ME3: variants seen among roughly 807,000 people sequenced by gnomAD.
ME3 encodes the protein NADP-dependent malic enzyme, mitochondrial.
A neutral mutation model predicts 68.9 loss-of-function variants in ME3; 48 were observed. That is an observed-to-expected ratio of 0.70 (90% confidence interval 0.55 to 0.89). The LOEUF (loss-of-function observed/expected upper bound fraction) is 0.89, where lower values mean the gene tolerates loss of function less well. ME3 is among the 40% of genes least tolerant of loss of function. ME3 has a pLI of 0.00. For synonymous variants in ME3, 320 were observed against 318.8 expected, an observed-to-expected ratio of 1.00 and a Z score of -0.04; for missense variants, 675 against 797.4, an observed-to-expected ratio of 0.85 and a Z score of 1.85.
chr11:86,475,483 A>G (rs1311162535), intron 7 of ME3, among the ~76,000 whole-genome samples: 1 of 152,150 alleles, frequency 6.6e-6, no homozygotes, highest in Non-Finnish European at 1.5e-5. Flanking sequence ...GTATTTCTTT[A>G]TAACAATGTG....
At chr11:86,666,595 C>T (rs1344288378) in intron 2 of ME3, among the ~76,000 whole-genome samples, 1 of 152,212 alleles carries the variant, frequency 6.6e-6, no homozygotes, top group African/African-American at 2.4e-5. Context: ...AGTTTGATTT[C>T]AACCTGCCTC....
chr11:86,533,193 A>G (rs1955388269), intron 4 of ME3, among the ~76,000 whole-genome samples: 1 of 152,144 alleles, frequency 6.6e-6, no homozygotes, highest in Non-Finnish European at 1.5e-5. Flanking sequence ...GAAAAATAAT[A>G]GAAAAGATCA....
chr11:86,637,702 G>A (rs1237746072), intron 2 of ME3, among the ~76,000 whole-genome samples: 1 of 152,116 alleles, frequency 6.6e-6, no homozygotes, highest in Non-Finnish European at 1.5e-5. Flanking sequence ...AGGAAGCACA[G>A]GAAACTTTTT....
chr11:86,499,147 G>A (rs910012300), intron 5 of ME3, among the ~76,000 whole-genome samples: 7 of 152,108 alleles, frequency 4.6e-5, no homozygotes, highest in South Asian at 2.1e-4. Flanking sequence ...GTGGGGAGAA[G>A]GGCATTTGAT....
chr11:86,641,092 T>G (rs1017061153), intron 2 of ME3, among the ~76,000 whole-genome samples: 3 of 150,416 alleles, frequency 2.0e-5, no homozygotes, highest in Non-Finnish European at 4.4e-5. Flanking sequence ...AATGAATGCA[T>G]AATATATATT....
At position 86,453,292 on chromosome 11, in the gene ME3, ACCTGGCCAGAGTTGTTTTTGT is replaced by A. The variant is rs1271411040; in HGVS notation, c.920-2915_920-2895del. On this transcript the variant is annotated intron_variant, in intron 8 of 14. Transcript: ENST00000543262. ...TGGGATTACAGGCGTTAGCCACCACACCTGGCCAGAGTTGTTTTTGTTGTGTGGAAGTACACATGTGCCAGA... is the reference window on the plus strand; with the variant it reads ...TGGGATTACAGGCGTTAGCCACCACATGTGTGGAAGTACACATGTGCCAGA... Among the ~76,000 whole-genome samples the A allele has an allele frequency of 3.9e-5, 6 of 152,194 alleles. No homozygotes were observed. In the East Asian group the frequency reaches 1.2e-3, roughly 29 times the overall value.
At chr11:86,621,470 G>A (rs549352082) in intron 2 of ME3, among the ~76,000 whole-genome samples, 1 of 152,202 alleles carries the variant, frequency 6.6e-6, no homozygotes, top group East Asian at 1.9e-4. Context: ...GCCTGAGAAT[G>A]TCTCTTGAGT....
chr11:86,643,796 CAAT>C lies in ME3; in HGVS notation c.183+27963_183+27965del, dbSNP rs1187955681. Among the ~76,000 whole-genome samples, 3 of 152,100 alleles carry C rather than the reference CAAT, an allele frequency of 2.0e-5. No individual in the cohort carries two copies. In the East Asian group the frequency reaches 5.8e-4, roughly 29 times the overall value. ...CAGTGCCTGGAACACAGTAGGTTCT[CAAT>C]AAGTTTATTGAATAAGTCAGTGAAC... On this transcript the variant is annotated intron_variant, in intron 2 of 14. Coordinates refer to ENST00000543262, the Ensembl canonical transcript of ME3.
At chr11:86,450,038 G>A in intron 9 of ME3, 36 bp from the exon 10 acceptor site, 1 of 1,461,376 alleles carries the variant, frequency 6.8e-7, no homozygotes, top group Non-Finnish European at 9.5e-7. Flanking sequence ...TCAGACACAG[G>A]GCAAACAGCT....
At chr11:86,658,948 C>T (rs1344976851) in intron 2 of ME3, among the ~76,000 whole-genome samples, 2 of 152,232 alleles carry the variant, frequency 1.3e-5, no homozygotes, top group African/African-American at 4.8e-5. Context: ...TTGCTATTCA[C>T]TGTCCTTGTG....
In ME3 at chr11:86,468,245, T is replaced by G. The variant is rs1950592845; in HGVS notation, c.810-3045A>C. Among the ~76,000 whole-genome samples the G allele has an allele frequency of 1.1e-4, 17 of 152,364 alleles. 2 individuals are homozygous for G. The South Asian group carries it at 3.5e-3, about 32-fold the overall frequency. On this transcript the variant is annotated intron_variant, in intron 7 of 14. Transcript: ENST00000543262. ...CATGAAACCAGACCACTATCCAGTC[T>G]GAACCAAAGGTGGTTACTTCATGGT...
intron 2 of ME3, among the ~76,000 whole-genome samples, chr11:86,560,705 T>C (rs1217598126): frequency 2.7e-5 from 1 of 36,788 alleles, no homozygotes; most frequent in African/African-American, 1.3e-4. Context: ...TATAATGATA[T>C]GTGTGTGTGT....
intron 2 of ME3, among the ~76,000 whole-genome samples, chr11:86,640,617 G>T (rs182693499): frequency 6.6e-6 from 1 of 152,308 alleles, no homozygotes; most frequent in African/African-American, 2.4e-5. Flanking sequence ...AAACAATAAT[G>T]CCCAATGGAT....
chr11:86,634,193 C>A (rs1944192751), intron 2 of ME3, among the ~76,000 whole-genome samples: 1 of 152,104 alleles, frequency 6.6e-6, no homozygotes, highest in South Asian at 2.1e-4. Context: ...TTCAGGGATG[C>A]CTCCATCTGG....
At chr11:86,468,792 T>TA (rs965115115) in intron 7 of ME3, among the ~76,000 whole-genome samples, 16 of 152,038 alleles carry the variant, frequency 1.1e-4, no homozygotes, top group East Asian at 7.7e-4. Context: ...ACAACAATGG[T>TA]AAAAAAAATA....
intron 4 of ME3, among the ~76,000 whole-genome samples, chr11:86,537,129 A>C: frequency 7.1e-6 from 1 of 140,302 alleles, no homozygotes. Flanking sequence ...CACTCTGGGG[A>C]CTGTTGTGGG....
chr11:86,495,774 G>A (rs1202113863), intron 6 of ME3, among the ~76,000 whole-genome samples: 3 of 152,176 alleles, frequency 2.0e-5, no homozygotes, highest in Non-Finnish European at 4.4e-5. Context: ...GACACATGGA[G>A]ACCAGGTGGT....
chr11:86,595,235 T>G (rs1220233346), intron 2 of ME3, among the ~76,000 whole-genome samples: 1 of 143,496 alleles, frequency 7.0e-6, no homozygotes, highest in African/African-American at 2.6e-5. Context: ...ATTTTTGGAT[T>G]GTTTATCACA....
chr11:86,669,620 G>A lies in ME3; in HGVS notation c.183+2142C>T, dbSNP rs188739823. ...AACAGCATGCAGGGGAACCACCCCC[G>A]TGATTCAATTACCTCCCACAGGGTT... On this transcript the variant is annotated intron_variant, in intron 2 of 14. Transcript: ENST00000543262. Among the ~76,000 whole-genome samples the A allele has an allele frequency of 1.6e-4, 25 of 152,260 alleles. No individual in the cohort carries two copies. The East Asian group carries it at 4.3e-3, about 26-fold the overall frequency.
Sources: allele counts gnomAD v4.1 joint callset (sites outside exome capture counted in the v4.1 genomes callset), GRCh38; gene constraint gnomAD v4.1.1; transcripts MANE v1.5; gene names NCBI Gene and HGNC (gene_info 2026-07-23, HGNC 2026-07-21).